RANBP2: variants seen among roughly 807,000 people sequenced by gnomAD.
RANBP2 encodes the protein E3 SUMO-protein ligase RanBP2.
In RANBP2, 57 loss-of-function variants were observed where a neutral mutation model predicts 303.6. The observed-to-expected ratio is 0.19, with a 90% CI of 0.15 to 0.23. The LOEUF (loss-of-function observed/expected upper bound fraction) is 0.23. Among genes scored for constraint, RANBP2 ranks in the 10% least tolerant of loss-of-function variants. The pLI is 1.00. For synonymous variants in RANBP2, 1,167 were observed against 1,301.5 expected, an observed-to-expected ratio of 0.90 and a Z score of 2.23; for missense variants, 3,138 against 3,780.8, an observed-to-expected ratio of 0.83 and a Z score of 4.46.
At chr2:109,396,140 G>A in the RANBP2 span, among the ~76,000 whole-genome samples, 2 of 152,214 alleles carry the variant, frequency 1.3e-5, no homozygotes, top group Non-Finnish European at 2.9e-5. Context: ...ACCCTGTCAA[G>A]TGGGCAGAGA....
the RANBP2 span, among the ~76,000 whole-genome samples, chr2:109,278,919 C>T: frequency 2.0e-5 from 3 of 152,124 alleles, no homozygotes; most frequent in Non-Finnish European, 4.4e-5. Flanking sequence ...GTAGTACACC[C>T]GAGGCTCCGT....
chr2:109,090,308 C>CCACACACACA, the RANBP2 span, among the ~76,000 whole-genome samples: 20 of 132,836 alleles, frequency 1.5e-4, 1 homozygote, highest in African/African-American at 5.7e-4. Context: ...GGACACCTCG[C>CCACACACACA]CTCACACACA....
the RANBP2 span, among the ~76,000 whole-genome samples, chr2:109,210,794 A>G: frequency 1.3e-5 from 2 of 152,224 alleles, no homozygotes; most frequent in East Asian, 1.9e-4. Context: ...AGCACGACCT[A>G]TTTCTAAAGC....
At chr2:109,336,727 A>G in the RANBP2 span, among the ~76,000 whole-genome samples, 87 of 152,380 alleles carry the variant, frequency 5.7e-4, no homozygotes, top group Non-Finnish European at 1.0e-3. Context: ...GCAACATCCA[A>G]TTTTGTGGAG....
the RANBP2 span, among the ~76,000 whole-genome samples, chr2:109,728,610 C>T: frequency 1.3e-4 from 19 of 151,314 alleles, no homozygotes; most frequent in African/African-American, 4.1e-4. Context: ...TGCCCGCCAC[C>T]GCACCTGGCT....
chr2:109,240,384 A>T, the RANBP2 span, among the ~76,000 whole-genome samples: 17 of 152,176 alleles, frequency 1.1e-4, no homozygotes, highest in Non-Finnish European at 1.9e-4. Flanking sequence ...GCTACTTGGG[A>T]GGCTGAGGCA....
chr2:109,101,342 C>T, the RANBP2 span, among the ~76,000 whole-genome samples: 9 of 152,018 alleles, frequency 5.9e-5, no homozygotes, highest in African/African-American at 1.4e-4. Context: ...CTGGCTAAGA[C>T]GGTGAAACCC....
the RANBP2 span, chr2:109,129,873 C>G: frequency 6.6e-7 from 1 of 1,523,716 alleles, no homozygotes; most frequent in Non-Finnish European, 8.8e-7. Context: ...TGCCCGCCAA[C>G]ATCTTGCTGG....
the RANBP2 span, among the ~76,000 whole-genome samples, chr2:109,041,644 C>A: frequency 6.8e-3 from 1,021 of 150,024 alleles, 6 homozygotes; most frequent in East Asian, 0.035. Flanking sequence ...GCCTCAGCCT[C>A]CCGAGGAGCT....
chr2:108,902,930 G>A, the RANBP2 span, among the ~76,000 whole-genome samples: 2 of 152,074 alleles, frequency 1.3e-5, no homozygotes, highest in African/African-American at 2.4e-5. Context: ...GGAAAGAAAC[G>A]GTACACAGAT....
chr2:109,399,612 C>T, the RANBP2 span, among the ~76,000 whole-genome samples: 2 of 152,162 alleles, frequency 1.3e-5, no homozygotes, highest in East Asian at 3.9e-4. Flanking sequence ...TACAAGCAAC[C>T]AATCAGTCAA....
the RANBP2 span, among the ~76,000 whole-genome samples, chr2:109,238,297 A>T: frequency 6.6e-6 from 1 of 152,192 alleles, no homozygotes; most frequent in Non-Finnish European, 1.5e-5. Context: ...TGGCAAGTAC[A>T]CTAATATCAC....
the RANBP2 span, among the ~76,000 whole-genome samples, chr2:108,828,552 T>G: frequency 6.6e-6 from 1 of 152,180 alleles, no homozygotes; most frequent in Non-Finnish European, 1.5e-5. Context: ...CCCTCACATA[T>G]AGTCCAATGA....
chr2:109,375,249 G>C, the RANBP2 span, among the ~76,000 whole-genome samples: 1 of 152,194 alleles, frequency 6.6e-6, no homozygotes, highest in African/African-American at 2.4e-5. Context: ...TCCAGCCACC[G>C]TCCCATGCCC....
At chr2:109,705,947 G>A in the RANBP2 span, among the ~76,000 whole-genome samples, 28 of 152,166 alleles carry the variant, frequency 1.8e-4, no homozygotes, top group Admixed American at 1.8e-3. Flanking sequence ...ACCAGAGATG[G>A]GGCAGGTAAA....
the RANBP2 span, among the ~76,000 whole-genome samples, chr2:109,126,117 C>A: frequency 6.6e-6 from 1 of 152,228 alleles, no homozygotes; most frequent in East Asian, 1.9e-4. Context: ...AGGGTGCAGA[C>A]AAAGCTCACT....
At chr2:109,448,468 C>G in the RANBP2 span, among the ~76,000 whole-genome samples, 16 of 152,100 alleles carry the variant, frequency 1.1e-4, no homozygotes, top group African/African-American at 3.6e-4. Flanking sequence ...CTTGCATTAC[C>G]ACCTGAGCTC....
chr2:108,837,158 G>A, the RANBP2 span, among the ~76,000 whole-genome samples: 1 of 152,154 alleles, frequency 6.6e-6, no homozygotes, highest in African/African-American at 2.4e-5. Flanking sequence ...TACCTTCAGA[G>A]TGTAATCTGT....
chr2:108,868,107 T>G, the RANBP2 span, among the ~76,000 whole-genome samples: 1 of 152,148 alleles, frequency 6.6e-6, no homozygotes, highest in Non-Finnish European at 1.5e-5. Flanking sequence ...GTTGACAGCA[T>G]GTACTTTTAA....
Sources: gnomAD v4.1 joint callset for allele counts (sites outside exome capture counted in the v4.1 genomes callset) on GRCh38, gnomAD v4.1.1 for gene constraint, MANE v1.5 for transcripts, NCBI Gene and HGNC (gene_info 2026-07-23, HGNC 2026-07-21) for gene names.